Variants in FLI1 observed in about 807,000 individuals in gnomAD.
FLI1 encodes the protein Fli-1 proto-oncogene, ETS transcription factor.
A neutral mutation model predicts 53.1 loss-of-function variants in FLI1; 13 were observed. The observed-to-expected ratio is 0.24, with a 90% CI of 0.16 to 0.39. The LOEUF (loss-of-function observed/expected upper bound fraction) is 0.39, where lower values mean the gene tolerates loss of function less well. FLI1 is among the 10% of genes least tolerant of loss of function. FLI1 has a pLI of 1.00. For synonymous variants in FLI1, 244 were observed against 236.7 expected, an observed-to-expected ratio of 1.03 and a Z score of -0.28; for missense variants, 424 against 600.5, an observed-to-expected ratio of 0.71 and a Z score of 3.07.
intron 1 of FLI1, among the ~76,000 whole-genome samples, chr11:128,703,189 T>C (rs552925200): frequency 1.3e-5 from 2 of 152,368 alleles, no homozygotes; most frequent in Non-Finnish European, 2.9e-5. Flanking sequence ...TAATGTCTCA[T>C]GTTGGAAAGA....
At chr11:128,782,463 A>C (rs914573203) in intron 5 of FLI1, among the ~76,000 whole-genome samples, 4 of 152,142 alleles carry the variant, frequency 2.6e-5, no homozygotes, top group African/African-American at 4.8e-5. Flanking sequence ...GGGGGGCCGA[A>C]GTGGGTGGAT....
intron 1 of FLI1, among the ~76,000 whole-genome samples, chr11:128,726,425 C>A (rs1939482587): frequency 6.6e-6 from 1 of 152,178 alleles, no homozygotes; most frequent in Non-Finnish European, 1.5e-5. Context: ...TCCTGCCTGG[C>A]CCCAAGGCTG....
intron 1 of FLI1, among the ~76,000 whole-genome samples, chr11:128,696,901 T>A (rs1040002948): frequency 1.3e-5 from 2 of 152,208 alleles, no homozygotes; most frequent in African/African-American, 2.4e-5. Context: ...CAGAAGCCCT[T>A]TATTTTGTGC....
intron 3 of FLI1, 134 bp downstream of exon 3, chr11:128,768,406 G>A: frequency 1.8e-6 from 2 of 1,112,946 alleles, no homozygotes; most frequent in South Asian, 2.7e-5. Flanking sequence ...CGCCAGCCGG[G>A]AGTGGTGGCT....
At chr11:128,687,933 T>G (rs968838431) in intron 1 of FLI1, among the ~76,000 whole-genome samples, 1 of 152,182 alleles carries the variant, frequency 6.6e-6, no homozygotes, top group Non-Finnish European at 1.5e-5. Flanking sequence ...AATGGATGGA[T>G]AGCAAAATGA....
intron 1 of FLI1, among the ~76,000 whole-genome samples, chr11:128,699,819 T>A (rs143324815): frequency 1.3e-5 from 2 of 152,288 alleles, no homozygotes; most frequent in East Asian, 3.9e-4. Context: ...CTGACAAAAT[T>A]TAGGTAATCT....
At position 128,760,450 on chromosome 11, in the gene FLI1, C is replaced by T. The variant is rs749778044; in HGVS notation, c.230+2124C>T. ...TGAGGAGGCCTATTCTACGATGCCTCCTAAATGGGGCCCTTCTCCAAGGAG... is the reference window on the plus strand; with the variant it reads ...TGAGGAGGCCTATTCTACGATGCCTTCTAAATGGGGCCCTTCTCCAAGGAG... On this transcript the variant is annotated intron_variant, in intron 2 of 8. Coordinates refer to ENST00000527786, the MANE Select transcript of FLI1 (RefSeq NM_002017.5). 5.3e-5 allele frequency among the ~76,000 whole-genome samples: 8 copies of T among 151,898 alleles called. 1 individual carries two copies. Among genetic ancestry groups the T allele is most frequent in the Middle Eastern group, 3.4e-3 (1 of 294 alleles).
At position 128,805,607 on chromosome 11, in the gene FLI1, T is replaced by C. The variant is rs913409870; in HGVS notation, c.721+176T>C. The C allele has an allele frequency of 5.5e-6, 3 of 543,990 alleles. No individual in the cohort carries two copies. In the Admixed American group the frequency reaches 1.1e-4, roughly 19 times the overall value. The allele number at this position is 543,990 out of a possible 1,614,324, so 33.7% of individuals were successfully genotyped here. Reference sequence around the variant, plus strand: ...CATGATACCAGTCCTTGAAAGATGATATGGGATTTTCGTTTAGATTTTTGA... The same window carrying C: ...CATGATACCAGTCCTTGAAAGATGACATGGGATTTTCGTTTAGATTTTTGA... On this transcript the variant is annotated intron_variant, in intron 6 of 8. Transcript: ENST00000527786.
chr11:128,784,005 G>C (rs1434759849), intron 5 of FLI1, among the ~76,000 whole-genome samples: 1 of 151,764 alleles, frequency 6.6e-6, no homozygotes, highest in Non-Finnish European at 1.5e-5. Flanking sequence ...GAGGGAAGGA[G>C]GAAGGGAGGG....
chr11:128,801,932 T>C (rs1045836531), intron 5 of FLI1, among the ~76,000 whole-genome samples: 1 of 152,156 alleles, frequency 6.6e-6, no homozygotes, highest in African/African-American at 2.4e-5. Context: ...GATTAAATTA[T>C]GTGATAAGTG....
At position 128,805,403 on chromosome 11, in the gene FLI1, C is replaced by T. The variant is rs1942753169; in HGVS notation, c.693C>T (p.Gly231=). Residue 231 remains glycine, a synonymous_variant, in exon 6 of 9, where the codon GGC becomes GGT. Coordinates refer to ENST00000527786, the MANE Select transcript of FLI1 (RefSeq NM_002017.5). ...ACTCAGTCAGAAGAGGAGCTTGGGG[C>T]AATAACATGAATTCTGGCCTCAACA... The part of the protein sequence containing the change: ...SYDSVRRGAW[G]NNMNSGLNKS... The T allele has an allele frequency of 6.3e-7, 1 of 1,587,132 alleles. No individual in the cohort carries two copies. Among genetic ancestry groups the T allele is most frequent in the South Asian group, 1.1e-5 (1 of 87,302 alleles).
intron 1 of FLI1, among the ~76,000 whole-genome samples, chr11:128,688,320 T>G (rs985086590): frequency 3.3e-5 from 5 of 152,226 alleles, no homozygotes; most frequent in Non-Finnish European, 5.9e-5. Context: ...GAGAAGCTGC[T>G]CGCTGCAGGA....
chr11:128,695,322 G>A (rs1369899303), intron 1 of FLI1, among the ~76,000 whole-genome samples: 4 of 152,262 alleles, frequency 2.6e-5, no homozygotes, highest in Admixed American at 2.6e-4. Flanking sequence ...TAACGTGACG[G>A]GCCTTAGAGG....
At chr11:128,777,822 T>C (rs895643313) in intron 4 of FLI1, among the ~76,000 whole-genome samples, 1 of 148,330 alleles carries the variant, frequency 6.7e-6, no homozygotes, top group African/African-American at 2.5e-5. Flanking sequence ...ACAAAGGCTT[T>C]GGCACTGGGA....
intron 1 of FLI1, among the ~76,000 whole-genome samples, chr11:128,698,250 C>T (rs1299397704): frequency 6.6e-6 from 1 of 152,168 alleles, no homozygotes; most frequent in South Asian, 2.1e-4. Context: ...GTGTTGCTGC[C>T]TCCCTCTACC....
At chr11:128,763,222 G>A (rs970983400) in intron 2 of FLI1, among the ~76,000 whole-genome samples, 4 of 152,192 alleles carry the variant, frequency 2.6e-5, no homozygotes, top group Admixed American at 6.5e-5. Context: ...TCTGGCCCAG[G>A]AGCAAAGGGT....
At chr11:128,747,767 C>A (rs1364838847) in intron 1 of FLI1, among the ~76,000 whole-genome samples, 1 of 152,166 alleles carries the variant, frequency 6.6e-6, no homozygotes. Context: ...TTCCCACTGC[C>A]ATCTAGAAAA....
intron 2 of FLI1, among the ~76,000 whole-genome samples, chr11:128,759,040 C>T (rs631647): frequency 0.45 from 68,175 of 152,096 alleles, 15,571 homozygotes; most frequent in East Asian, 0.64. Context: ...CTGGGATATT[C>T]ACTTCCTTAT....
intron 1 of FLI1, among the ~76,000 whole-genome samples, chr11:128,707,313 C>T (rs1018019101): frequency 6.6e-6 from 1 of 152,172 alleles, no homozygotes; most frequent in African/African-American, 2.4e-5. Flanking sequence ...CCTTCGACTT[C>T]TCCATAATAA....
Sources: allele counts gnomAD v4.1 joint callset (sites outside exome capture counted in the v4.1 genomes callset), GRCh38; gene constraint gnomAD v4.1.1; transcripts MANE v1.5; gene names NCBI Gene and HGNC (gene_info 2026-07-23, HGNC 2026-07-21).